MAP4K3: variants seen among roughly 807,000 people sequenced by gnomAD.
MAP4K3 encodes MAPK/ERK kinase kinase kinase 3.
Under a neutral mutation model 143.5 loss-of-function variants are expected in MAP4K3, and 94 were observed. The observed-to-expected ratio is 0.65, with a 90% CI of 0.55 to 0.78. The LOEUF (loss-of-function observed/expected upper bound fraction) is 0.78. MAP4K3 is among the 30% of genes least tolerant of loss of function. MAP4K3 has a pLI of 0.00. For missense variants in MAP4K3, 1,077 were observed against 1,068.1 expected (o/e 1.01, Z -0.12); for synonymous variants, 416 against 347.2 (o/e 1.20, Z -2.20).
chr2:39,250,767 C>A (rs1680125123), intron 33 of MAP4K3, 62 bp from the exon 34 acceptor site: 5 of 1,344,604 alleles, frequency 3.7e-6, no homozygotes, highest in Non-Finnish European at 3.2e-6. Flanking sequence ...TGTTAGCTCC[C>A]AAATTTTCCA....
chr2:39,340,557 C>A (rs1665109597), intron 4 of MAP4K3, among the ~76,000 whole-genome samples: 1 of 152,130 alleles, frequency 6.6e-6, no homozygotes, highest in African/African-American at 2.4e-5. Flanking sequence ...TGGTAAGAAT[C>A]ATGACAACCT....
At chr2:39,269,323 G>A (rs1434624927) in intron 26 of MAP4K3, among the ~76,000 whole-genome samples, 3 of 151,768 alleles carry the variant, frequency 2.0e-5, no homozygotes, top group Non-Finnish European at 2.9e-5. Context: ...TTTATATATT[G>A]ACCTATTTAT....
At chr2:39,285,889 A>T (rs1008997232) in intron 21 of MAP4K3, among the ~76,000 whole-genome samples, 2 of 152,198 alleles carry the variant, frequency 1.3e-5, no homozygotes, top group African/African-American at 4.8e-5. Context: ...TTGTAAGTCA[A>T]TTCTTTACAA....
intron 15 of MAP4K3, among the ~76,000 whole-genome samples, chr2:39,306,278 C>A (rs115934886): frequency 6.6e-6 from 1 of 152,200 alleles, no homozygotes; most frequent in Non-Finnish European, 1.5e-5. Flanking sequence ...TTCTAGCCTA[C>A]GTGTGTAATT....
intron 1 of MAP4K3, among the ~76,000 whole-genome samples, chr2:39,403,610 A>C (rs566541191): frequency 1.1e-4 from 16 of 152,152 alleles, no homozygotes; most frequent in Non-Finnish European, 2.1e-4. Context: ...CCTCCCCACC[A>C]TGGGATGAAG....
At chr2:39,328,348 A>G (rs891616227) in intron 8 of MAP4K3, among the ~76,000 whole-genome samples, 4 of 152,182 alleles carry the variant, frequency 2.6e-5, no homozygotes, top group Non-Finnish European at 4.4e-5. Flanking sequence ...AAAAACAAAA[A>G]CAAACAAAAA....
At chr2:39,326,017 T>C in intron 9 of MAP4K3, 56 bp from the exon 10 acceptor site, 2 of 1,497,584 alleles carry the variant, frequency 1.3e-6, no homozygotes, top group Non-Finnish European at 1.8e-6. Context: ...TTTTATCTAT[T>C]ACACAAATTC....
At chr2:39,257,195 G>A (rs1298311025) in intron 31 of MAP4K3, among the ~76,000 whole-genome samples, 1 of 152,158 alleles carries the variant, frequency 6.6e-6, no homozygotes, top group Non-Finnish European at 1.5e-5. Context: ...GAAAAAGTGT[G>A]CCTAGTCAAA....
chr2:39,261,300 T>C (rs1390889785), intron 28 of MAP4K3, among the ~76,000 whole-genome samples: 1 of 143,532 alleles, frequency 7.0e-6, no homozygotes, highest in Non-Finnish European at 1.5e-5. Context: ...ATCAACTCAG[T>C]TATAATACAA....
rs186302774 is a variant in MAP4K3 at position 39,269,221 on chromosome 2, T to C, written c.1974-1974A>G. 1.5e-3 allele frequency among the ~76,000 whole-genome samples: 232 copies of C among 152,178 alleles called. 2 individuals are homozygous for C. The highest frequency in any genetic ancestry group is 4.9e-3 in the African/African-American group (205 of 41,536). On this transcript the variant is annotated intron_variant, in intron 26 of 33. Transcript: ENST00000263881. ...GAACAATTTTCCTGATGGATGTTCT[T>C]GTAACCACACAATTGGCAACTGAAT...
At chr2:39,366,979 T>C (rs1000476858) in intron 2 of MAP4K3, among the ~76,000 whole-genome samples, 2 of 152,212 alleles carry the variant, frequency 1.3e-5, no homozygotes, top group African/African-American at 4.8e-5. Flanking sequence ...TCCTATTGAT[T>C]CCTACTTATT....
At chr2:39,353,574 C>G (rs1398202036) in intron 3 of MAP4K3, among the ~76,000 whole-genome samples, 2 of 152,012 alleles carry the variant, frequency 1.3e-5, no homozygotes, top group Non-Finnish European at 2.9e-5. Flanking sequence ...TGGAATGAAG[C>G]AAAATCATAA....
rs143366539 is a variant in MAP4K3, at chr2:39,293,532, C to A, written c.1179-264G>T. 2.6e-5 allele frequency among the ~76,000 whole-genome samples: 4 copies of A among 151,922 alleles called. No individual in the cohort carries two copies. In the East Asian group the frequency reaches 7.7e-4, roughly 29 times the overall value. ...AATCCTAATATTTATTGAAAAATAC[C>A]AATTCAAACAGAAGACAACTCACCA... On this transcript the variant is annotated intron_variant, in intron 16 of 33. Transcript: ENST00000263881.
At chr2:39,287,427 AGCTG>A (rs141169727) in intron 20 of MAP4K3, among the ~76,000 whole-genome samples, 4,974 of 151,962 alleles carry the variant, frequency 0.033, 120 homozygotes, top group South Asian at 0.054. Flanking sequence ...TCTCCCAAGT[AGCTG>A]GGATTACAGG....
chr2:39,367,120 AT>A (rs1277422794), intron 2 of MAP4K3, among the ~76,000 whole-genome samples: 5 of 152,214 alleles, frequency 3.3e-5, no homozygotes, highest in African/African-American at 1.2e-4. Context: ...GTTTGGCTGT[AT>A]TTTAGTAAGT....
chr2:39,283,298 A>G (rs1248265957), intron 21 of MAP4K3, among the ~76,000 whole-genome samples: 6 of 152,180 alleles, frequency 3.9e-5, no homozygotes, highest in Non-Finnish European at 8.8e-5. Flanking sequence ...GGTTCTTTCT[A>G]GTCTCACAGC....
chr2:39,352,571 G>A (rs1026493628), intron 3 of MAP4K3, among the ~76,000 whole-genome samples: 4 of 151,898 alleles, frequency 2.6e-5, no homozygotes, highest in African/African-American at 9.7e-5. Flanking sequence ...ATACCAAACC[G>A]GGACTATTTA....
intron 3 of MAP4K3, among the ~76,000 whole-genome samples, chr2:39,345,694 C>A (rs920228574): frequency 6.6e-6 from 1 of 151,816 alleles, no homozygotes; most frequent in Admixed American, 6.6e-5. Flanking sequence ...CCGAGGCGGG[C>A]GGATCACGAG....
intron 7 of MAP4K3, among the ~76,000 whole-genome samples, chr2:39,332,259 A>T (rs1310860072): frequency 6.6e-6 from 1 of 152,084 alleles, no homozygotes; most frequent in African/African-American, 2.4e-5. Flanking sequence ...TTTTGAAGAG[A>T]AAGTGATAGC....
Sources: gnomAD v4.1 joint callset for allele counts (sites outside exome capture counted in the v4.1 genomes callset) on GRCh38, gnomAD v4.1.1 for gene constraint, MANE v1.5 for transcripts, NCBI Gene and HGNC (gene_info 2026-07-23, HGNC 2026-07-21) for gene names.